The following TBCEL variants were observed in gnomAD, a reference collection of about 807,000 sequenced individuals.
TBCEL encodes the protein tubulin folding cofactor E like, also known as tubulin-specific chaperone cofactor E-like protein.
Under a neutral mutation model 44.2 loss-of-function variants are expected in TBCEL, and 15 were observed. The ratio of observed to expected loss-of-function variants is 0.34; its 90% CI spans 0.23 to 0.52. The LOEUF (loss-of-function observed/expected upper bound fraction) is 0.52. Ranked by LOEUF, TBCEL falls within the 20% of genes least tolerant of loss-of-function variation. The probability of loss-of-function intolerance (pLI) is 0.95; values close to 1 mark genes in which losing one functional copy is unlikely to be tolerated. For missense variants in TBCEL, 319 were observed against 506.3 expected (o/e 0.63, Z 3.55); for synonymous variants, 171 against 185.4 (o/e 0.92, Z 0.63).
chr11:121,067,050 T>A (rs938807247), intron 8 of TBCEL, among the ~76,000 whole-genome samples: 1 of 152,206 alleles, frequency 6.6e-6, no homozygotes, highest in African/African-American at 2.4e-5. Flanking sequence ...TTTATTTTCC[T>A]CTCGTGTCAG....
chr11:121,046,120 G>A (rs1449192774), intron 3 of TBCEL, among the ~76,000 whole-genome samples: 1 of 152,050 alleles, frequency 6.6e-6, no homozygotes, highest in Non-Finnish European at 1.5e-5. Flanking sequence ...ACTGGCCTGT[G>A]CCCTCCAGGA....
intron 8 of TBCEL, among the ~76,000 whole-genome samples, chr11:121,082,421 T>A (rs1337197573): frequency 6.6e-6 from 1 of 152,236 alleles, no homozygotes; most frequent in East Asian, 1.9e-4. Flanking sequence ...TCTGACTTCC[T>A]CTTTTGCTAC....
At chr11:121,072,999 C>T (rs951883669) in intron 8 of TBCEL, among the ~76,000 whole-genome samples, 1 of 152,032 alleles carries the variant, frequency 6.6e-6, no homozygotes, top group Non-Finnish European at 1.5e-5. Context: ...CTGTTCTATT[C>T]CATTGGTGTA....
At chr11:121,085,879 A>C (rs192222686) in intron 8 of TBCEL, among the ~76,000 whole-genome samples, 163 of 152,312 alleles carry the variant, frequency 1.1e-3, no homozygotes, top group African/African-American at 3.8e-3. Context: ...GTTAAAGCTG[A>C]AAGTGGTGTG....
At chr11:121,067,258 A>G (rs1005238064) in intron 8 of TBCEL, among the ~76,000 whole-genome samples, 1 of 152,232 alleles carries the variant, frequency 6.6e-6, no homozygotes, top group Non-Finnish European at 1.5e-5. Context: ...AAAGACTTTA[A>G]AGAGGATCCA....
chr11:121,034,520 CTA>C (rs1324278174), intron 1 of TBCEL, among the ~76,000 whole-genome samples: 1 of 152,072 alleles, frequency 6.6e-6, no homozygotes, highest in East Asian at 1.9e-4. Flanking sequence ...ATTAGTCAAT[CTA>C]TTTTTCATAT....
At chr11:121,029,414 A>G (rs1695284847) in intron 1 of TBCEL, among the ~76,000 whole-genome samples, 1 of 152,206 alleles carries the variant, frequency 6.6e-6, no homozygotes, top group Admixed American at 6.5e-5. Context: ...CAGGTACTTA[A>G]CTAGATGCTT....
intron 4 of TBCEL, among the ~76,000 whole-genome samples, chr11:121,048,996 C>T (rs1945482700): frequency 6.6e-6 from 1 of 151,852 alleles, no homozygotes; most frequent in Non-Finnish European, 1.5e-5. Flanking sequence ...TACACTATAC[C>T]ACTGTGAAAG....
intron 8 of TBCEL, among the ~76,000 whole-genome samples, chr11:121,079,838 G>T (rs529378804): frequency 2.0e-5 from 3 of 151,896 alleles, no homozygotes; most frequent in African/African-American, 7.3e-5. Flanking sequence ...TTTTTGAAAC[G>T]GAGTCTCACT....
At chr11:121,060,217 G>A (rs1945695807) in intron 8 of TBCEL, 132 bp downstream of exon 8, 1 of 637,466 alleles carries the variant, frequency 1.6e-6, no homozygotes, top group Non-Finnish European at 2.7e-6. Flanking sequence ...TTAAAAAAAA[G>A]GAAGAAACAC....
In TBCEL at chr11:121,057,981, A is replaced by G. The variant is rs147006033; in HGVS notation, c.713-364A>G. On this transcript the variant is annotated intron_variant, in intron 6 of 8. Transcript: ENST00000683345. ...TTCCATGAGTCTATATTTGAGTGAAATGAGTTGGTCACATAGCTTTCTTTA... is the reference window on the plus strand; with the variant it reads ...TTCCATGAGTCTATATTTGAGTGAAGTGAGTTGGTCACATAGCTTTCTTTA... Among the ~76,000 whole-genome samples the G allele has an allele frequency of 4.7e-3, 712 of 151,960 alleles. 5 individuals are homozygous for G. The highest frequency in any genetic ancestry group is 0.017 in the Middle Eastern group (5 of 294).
intron 8 of TBCEL, among the ~76,000 whole-genome samples, chr11:121,070,246 T>C (rs1945903577): frequency 6.6e-6 from 1 of 152,222 alleles, no homozygotes; most frequent in African/African-American, 2.4e-5. Flanking sequence ...CACTTTTCCA[T>C]ACTTGGTGGG....
At chr11:121,071,270 TC>T (rs1945926004) in intron 8 of TBCEL, among the ~76,000 whole-genome samples, 2 of 152,182 alleles carry the variant, frequency 1.3e-5, no homozygotes, top group South Asian at 4.1e-4. Context: ...TAATACACAG[TC>T]ATCCTCTTTA....
rs11606486 is a variant in TBCEL, at chr11:121,075,017, T to C, written c.957-11761T>C. On this transcript the variant is annotated intron_variant, in intron 8 of 8. Coordinates refer to ENST00000683345, the MANE Select transcript of TBCEL (RefSeq NM_001363644.2). The stretch of plus-strand genomic sequence containing the variant: ...TGTCCAGTGATCTTACTGAGACTTC[T>C]CAAACTAAAACATACACACACACAC... Among the ~76,000 whole-genome samples, 788 of 152,070 alleles carry C rather than the reference T, an allele frequency of 5.2e-3. 5 individuals carry two copies. Among genetic ancestry groups the C allele is most frequent in the African/African-American group, 0.017 (725 of 41,558 alleles).
intron 1 of TBCEL, among the ~76,000 whole-genome samples, chr11:121,028,643 C>T (rs914554692): frequency 6.6e-6 from 1 of 152,164 alleles, no homozygotes; most frequent in African/African-American, 2.4e-5. Context: ...ACATAATAAA[C>T]TTACAATAGA....
At chr11:121,052,168 A>G (rs1250804666) in intron 4 of TBCEL, among the ~76,000 whole-genome samples, 1 of 151,856 alleles carries the variant, frequency 6.6e-6, no homozygotes, top group Non-Finnish European at 1.5e-5. Flanking sequence ...TGTTCATAAT[A>G]GTTACATTTA....
In TBCEL at chr11:121,089,431, T is replaced by C. The variant is rs1946261365; in HGVS notation, c.*2335T>C. 1 of 152,156 alleles carries C rather than the reference T, an allele frequency of 6.6e-6. No homozygotes were observed. The highest frequency in any genetic ancestry group is 1.5e-5 in the Non-Finnish European group (1 of 68,022). 9.4% of individuals were successfully genotyped at this position (152,156 alleles called of 1,614,324 possible). A position where few individuals can be genotyped will look rare whatever the true frequency, so the allele number is the denominator to read the frequency against. On this transcript the variant is annotated 3_prime_UTR_variant, in exon 9 of 9. Transcript: ENST00000683345. ...TGTGGGTATTTTTAGGGCATTGTAA[T>C]TGATGGTTTTAATAATTGCTGAATA...
intron 2 of TBCEL, among the ~76,000 whole-genome samples, chr11:121,039,841 A>G (rs973820667): frequency 3.9e-5 from 6 of 152,050 alleles, no homozygotes; most frequent in South Asian, 2.1e-4. Context: ...GTTTTCAAAT[A>G]GTGGTAGCAA....
intron 4 of TBCEL, among the ~76,000 whole-genome samples, chr11:121,052,750 T>G (rs1945551421): frequency 6.6e-6 from 1 of 151,906 alleles, no homozygotes; most frequent in Non-Finnish European, 1.5e-5. Context: ...AGACGTGACC[T>G]TTGTAACTGT....
Sources: gnomAD v4.1 joint callset for allele counts (sites outside exome capture counted in the v4.1 genomes callset) on GRCh38, gnomAD v4.1.1 for gene constraint, MANE v1.5 for transcripts, NCBI Gene and HGNC (gene_info 2026-07-23, HGNC 2026-07-21) for gene names.